Variants in METTL15 observed in about 807,000 individuals in gnomAD.
The protein encoded by METTL15 is 12S rRNA N(4)-cytidine methyltransferase METTL15.
In METTL15, 34 loss-of-function variants were observed where a neutral mutation model predicts 38.3. The ratio of observed to expected loss-of-function variants is 0.89; its 90% CI spans 0.68 to 1.18. The LOEUF (loss-of-function observed/expected upper bound fraction) is 1.18. METTL15 is among the 50% of genes most tolerant of loss of function. The probability of loss-of-function intolerance (pLI) is 0.00; values close to 1 mark genes in which losing one functional copy is unlikely to be tolerated. For missense variants in METTL15, 438 were observed against 498.4 expected (o/e 0.88, Z 1.15); for synonymous variants, 162 against 170.9 (o/e 0.95, Z 0.41).
chr11:28,449,345 A>G (rs1263379755), intron 6 of METTL15, among the ~76,000 whole-genome samples: 1 of 152,212 alleles, frequency 6.6e-6, no homozygotes, highest in Non-Finnish European at 1.5e-5. Flanking sequence ...AGACACTCCT[A>G]TGTTACTCCT....
chr11:28,111,428 G>A (rs1247491362), intron 2 of METTL15, among the ~76,000 whole-genome samples: 1 of 152,120 alleles, frequency 6.6e-6, no homozygotes, highest in Non-Finnish European at 1.5e-5. Flanking sequence ...GTTCATTACT[G>A]GGAACCCCGC....
chr11:28,366,258 G>T (rs1850184609), intron 5 of METTL15, among the ~76,000 whole-genome samples: 1 of 152,094 alleles, frequency 6.6e-6, no homozygotes, highest in South Asian at 2.1e-4. Flanking sequence ...GAGGGCAAAA[G>T]AATGGAGAGA....
intron 5 of METTL15, among the ~76,000 whole-genome samples, chr11:28,404,565 A>G (rs1174151518): frequency 6.6e-6 from 1 of 152,058 alleles, no homozygotes; most frequent in East Asian, 1.9e-4. Flanking sequence ...TAGCCTAATC[A>G]TCTCCCAGTG....
intron 6 of METTL15, among the ~76,000 whole-genome samples, chr11:28,512,017 G>A (rs1375478406): frequency 2.6e-5 from 4 of 152,120 alleles, no homozygotes; most frequent in African/African-American, 7.2e-5. Flanking sequence ...TAGATACAGA[G>A]TGTCGATTGG....
chr11:28,380,706 T>C (rs1157398393), intron 5 of METTL15, among the ~76,000 whole-genome samples: 1 of 152,164 alleles, frequency 6.6e-6, no homozygotes, highest in African/African-American at 2.4e-5. Context: ...ATATAAAAAG[T>C]TATGTTTAAA....
intron 3 of METTL15, among the ~76,000 whole-genome samples, chr11:28,343,803 A>G (rs1323865888): frequency 6.6e-6 from 1 of 152,220 alleles, no homozygotes; most frequent in Non-Finnish European, 1.5e-5. Context: ...CACTGGGGGC[A>G]ATAGAGTAAA....
intron 6 of METTL15, among the ~76,000 whole-genome samples, chr11:28,520,155 CG>C (rs1352373012): frequency 6.6e-6 from 1 of 152,016 alleles, no homozygotes; most frequent in Non-Finnish European, 1.5e-5. Context: ...GCCTGGGCAA[CG>C]TGGTGAGACC....
rs935017582 is a variant in METTL15 at position 28,341,736 on chromosome 11, C to T, written c.*190-10354C>T. Among the ~76,000 whole-genome samples the T allele has an allele frequency of 5.3e-5, 8 of 152,172 alleles. 1 individual carries two copies. Among genetic ancestry groups the T allele is most frequent in the East Asian group, 1.9e-4 (1 of 5,196 alleles). On this transcript the variant is annotated intron_variant and NMD_transcript_variant, in intron 3 of 7. Coordinates refer to the METTL15 transcript ENST00000532947. The stretch of plus-strand genomic sequence containing the variant: ...TGTCAAATAGGCTAAAATAACACAT[C>T]TCTACTTACTTATCTGTAAAATGAT...
chr11:28,188,227 CTATA>C (rs1851573910), intron 3 of METTL15, among the ~76,000 whole-genome samples: 1 of 151,294 alleles, frequency 6.6e-6, no homozygotes, highest in South Asian at 2.1e-4. Flanking sequence ...CTTCACCAAA[CTATA>C]CATGAATCAC....
intron 5 of METTL15, among the ~76,000 whole-genome samples, chr11:28,386,666 C>T (rs1471693820): frequency 6.6e-6 from 1 of 151,828 alleles, no homozygotes; most frequent in Non-Finnish European, 1.5e-5. Flanking sequence ...CAACCAGATG[C>T]TTAATAAGGA....
downstream of METTL15, among the ~76,000 whole-genome samples, chr11:28,531,426 A>G (rs116435077): frequency 2.5e-3 from 374 of 151,984 alleles, no homozygotes; most frequent in African/African-American, 8.2e-3. Context: ...ATTCAAGACC[A>G]CTCCAAACCA....
intron 4 of METTL15, among the ~76,000 whole-genome samples, chr11:28,269,805 T>TTAAA (rs1313597789): frequency 6.6e-6 from 1 of 152,194 alleles, no homozygotes; most frequent in Non-Finnish European, 1.5e-5. Context: ...ATGCATGGAG[T>TTAAA]TAAAGTCCCT....
chr11:28,177,799 T>C (rs1464361595), intron 3 of METTL15, among the ~76,000 whole-genome samples: 1 of 151,908 alleles, frequency 6.6e-6, no homozygotes, highest in Non-Finnish European at 1.5e-5. Context: ...GAGCATTTAA[T>C]GTGAAATCCT....
chr11:28,445,006 G>A (rs941986062), intron 6 of METTL15, among the ~76,000 whole-genome samples: 11 of 152,116 alleles, frequency 7.2e-5, no homozygotes, highest in Admixed American at 6.5e-5. Flanking sequence ...CTGAGAGGAT[G>A]GGGTTAGAGA....
chr11:28,215,157 T>A (rs1350630217), intron 4 of METTL15, among the ~76,000 whole-genome samples: 3 of 152,200 alleles, frequency 2.0e-5, no homozygotes, highest in Non-Finnish European at 2.9e-5. Context: ...GGGAACTCAA[T>A]AAGGCCTCTC....
chr11:28,389,241 T>TA (rs1047932012), intron 5 of METTL15, among the ~76,000 whole-genome samples: 15 of 150,426 alleles, frequency 1.0e-4, no homozygotes, highest in African/African-American at 2.0e-4. Flanking sequence ...GTTCTTTTTT[T>TA]TTATTATACT....
At chr11:28,190,512 T>C (rs1028755065) in intron 3 of METTL15, among the ~76,000 whole-genome samples, 44 of 151,360 alleles carry the variant, frequency 2.9e-4, no homozygotes, top group Middle Eastern at 3.4e-3. Context: ...TTTAGAATTA[T>C]TTTAGAATTA....
chr11:28,472,580 T>C (rs1249855290), intron 6 of METTL15, among the ~76,000 whole-genome samples: 1 of 152,054 alleles, frequency 6.6e-6, no homozygotes, highest in Admixed American at 6.6e-5. Flanking sequence ...TAAAAGAATA[T>C]GTGGATTGGA....
chr11:28,161,862 A>G (rs1186344430), intron 3 of METTL15, among the ~76,000 whole-genome samples: 6 of 152,138 alleles, frequency 3.9e-5, no homozygotes, highest in Non-Finnish European at 5.9e-5. Context: ...GAAAATTACA[A>G]TTTCAGATAA....
Sources: gnomAD v4.1 joint callset for allele counts (sites outside exome capture counted in the v4.1 genomes callset) on GRCh38, gnomAD v4.1.1 for gene constraint, MANE v1.5 for transcripts, NCBI Gene and HGNC (gene_info 2026-07-23, HGNC 2026-07-21) for gene names.